The following BICC1 variants were observed in gnomAD, a reference collection of about 807,000 sequenced individuals.
BICC1 encodes the protein BicC family RNA binding protein 1.
In BICC1, 43 loss-of-function variants were observed where a neutral mutation model predicts 111.0. The observed-to-expected ratio is 0.39, with a 90% CI of 0.30 to 0.50. BICC1 has a LOEUF of 0.50. Ranked by LOEUF, BICC1 falls within the 20% of genes least tolerant of loss-of-function variation. BICC1 has a pLI of 0.88. For synonymous variants in BICC1, 467 were observed against 434.4 expected, an observed-to-expected ratio of 1.07 and a Z score of -0.93; for missense variants, 1,091 against 1,203.2, an observed-to-expected ratio of 0.91 and a Z score of 1.38.
At chr10:58,718,779 C>T (rs28722728) in intron 3 of BICC1, among the ~76,000 whole-genome samples, 2,200 of 130,050 alleles carry the variant, frequency 0.017, 59 homozygotes, top group African/African-American at 0.065. Flanking sequence ...CGCGCGCGTG[C>T]GCGCGTGCGC....
chr10:58,692,606 G>A (rs566631117), intron 2 of BICC1, among the ~76,000 whole-genome samples: 16 of 152,242 alleles, frequency 1.1e-4, no homozygotes, highest in Non-Finnish European at 1.9e-4. Flanking sequence ...AAATTAACAC[G>A]TATTATTTCT....
intron 1 of BICC1, among the ~76,000 whole-genome samples, chr10:58,599,791 AGTTTTT>A (rs1052768487): frequency 3.3e-5 from 5 of 152,078 alleles, no homozygotes; most frequent in African/African-American, 9.7e-5. Flanking sequence ...TTCTGAGACC[AGTTTTT>A]GTCCTTTTTA....
rs1486536171 is a variant in BICC1, at chr10:58,831,285, G to C, written c.*2394G>C. ...TATCTGTAAATATAGAACAGATACA[G>C]ATTGTATTTTTCTGTGGGTTTTTGT... On this transcript the variant is annotated 3_prime_UTR_variant, in exon 21 of 21. Coordinates refer to ENST00000373886, the MANE Select transcript of BICC1 (RefSeq NM_001080512.3). 6.6e-6 allele frequency: 1 copy of C among 152,124 alleles called. No homozygotes were observed. The highest frequency in any genetic ancestry group is 1.5e-5 in the Non-Finnish European group (1 of 68,010). 9.4% of individuals were successfully genotyped at this position (152,124 alleles called of 1,614,324 possible).
At chr10:58,786,557 G>T (rs956846892) in intron 4 of BICC1, among the ~76,000 whole-genome samples, 71 of 152,214 alleles carry the variant, frequency 4.7e-4, no homozygotes, top group African/African-American at 1.6e-3. Context: ...TCTTGTAATT[G>T]TGTTTTCATC....
intron 1 of BICC1, among the ~76,000 whole-genome samples, chr10:58,579,120 C>T (rs1425094594): frequency 1.3e-5 from 2 of 152,076 alleles, no homozygotes; most frequent in Non-Finnish European, 2.9e-5. Flanking sequence ...GTGGTCAGCC[C>T]CACTGAAGCC....
At chr10:58,707,492 A>G (rs139284302) in intron 3 of BICC1, among the ~76,000 whole-genome samples, 1 of 152,096 alleles carries the variant, frequency 6.6e-6, no homozygotes, top group African/African-American at 2.4e-5. Context: ...ACTAGGTTAA[A>G]AAAAAATAGA....
rs376626098 is a variant in BICC1 at position 58,788,381 on chromosome 10, G to A, written c.558G>A (p.Ala186=). 8.1e-6 allele frequency: 13 copies of A among 1,609,752 alleles called. No individual in the cohort carries two copies. The highest frequency in any genetic ancestry group is 1.1e-5 in the Non-Finnish European group (13 of 1,176,496). ...QAEKSNQVSI[A]GQPAGVESAR... is the part of the protein sequence containing the mutation. ...TCCTCCTCTTATAGGTATCTATAGC[G>A]GGACAACCAGCAGGAGTAGAATCTG... The change falls in exon 6 of 21, where the codon GCG becomes GCA. Residue 186 remains alanine, a synonymous_variant. Coordinates refer to ENST00000373886, the MANE Select transcript of BICC1 (RefSeq NM_001080512.3).
chr10:58,615,433 A>G (rs1039086182), intron 1 of BICC1, among the ~76,000 whole-genome samples: 2 of 152,114 alleles, frequency 1.3e-5, no homozygotes, highest in Admixed American at 6.5e-5. Flanking sequence ...TTATGTAACC[A>G]CGCCACATGA....
rs530278709 is a variant in BICC1, at chr10:58,574,348, C to G, written c.191-46507C>G. The stretch of plus-strand genomic sequence containing the variant: ...AAACACATTTGATGTTAAGACTGTC[C>G]TGGAAAACCCAGGACACGTGGCTAC... On this transcript the variant is annotated intron_variant, in intron 1 of 20. Transcript: ENST00000373886. 2.0e-5 allele frequency among the ~76,000 whole-genome samples: 3 copies of G among 152,220 alleles called. No individual in the cohort carries two copies. The South Asian group carries it at 6.2e-4, about 32-fold the overall frequency.
rs145075060 is a variant in BICC1 at position 58,687,478 on chromosome 10, C to T, written c.238-14596C>T. On this transcript the variant is annotated intron_variant, in intron 2 of 20. Coordinates refer to ENST00000373886, the MANE Select transcript of BICC1 (RefSeq NM_001080512.3). ...GCCCTGCCCCCAGAGGTGGAGTCTA[C>T]AGAGGGAGGCAGGCCTCCTTGAGCT... 3.3e-4 allele frequency among the ~76,000 whole-genome samples: 51 copies of T among 152,326 alleles called. No individual in the cohort carries two copies. In the East Asian group the frequency reaches 7.2e-3, roughly 21 times the overall value.
At chr10:58,560,985 C>T (rs970967828) in intron 1 of BICC1, among the ~76,000 whole-genome samples, 2 of 151,978 alleles carry the variant, frequency 1.3e-5, no homozygotes, top group Admixed American at 6.6e-5. Flanking sequence ...TCCATGTGCT[C>T]ATAAGAATGT....
At chr10:58,757,759 CTG>C (rs1842186359) in intron 3 of BICC1, among the ~76,000 whole-genome samples, 1 of 152,188 alleles carries the variant, frequency 6.6e-6, no homozygotes, top group Non-Finnish European at 1.5e-5. Context: ...CTTGGGTAAA[CTG>C]TGTTAGAACC....
intron 2 of BICC1, among the ~76,000 whole-genome samples, chr10:58,687,992 G>C (rs1236029790): frequency 6.6e-6 from 1 of 152,076 alleles, no homozygotes; most frequent in African/African-American, 2.4e-5. Flanking sequence ...AACCTCCCCC[G>C]AGTGTTACAG....
chr10:58,599,932 G>GTT (rs1844972065), intron 1 of BICC1, among the ~76,000 whole-genome samples: 2 of 150,866 alleles, frequency 1.3e-5, no homozygotes, highest in Non-Finnish European at 3.0e-5. Flanking sequence ...TAAAGAGGGT[G>GTT]TGTGTGTGTG....
chr10:58,633,476 A>G (rs992330630), intron 2 of BICC1, among the ~76,000 whole-genome samples: 14 of 152,226 alleles, frequency 9.2e-5, no homozygotes, highest in South Asian at 4.1e-4. Flanking sequence ...TACCTTCCTA[A>G]ATGATAAATG....
intron 3 of BICC1, among the ~76,000 whole-genome samples, chr10:58,707,633 G>A (rs11006231): frequency 0.96 from 145,567 of 152,110 alleles, 70,029 homozygotes; most frequent in Middle Eastern, 1. Flanking sequence ...GGGTTCAAGC[G>A]ATTCTCCTGC....
chr10:58,744,068 A>G (rs1841754572), intron 3 of BICC1, among the ~76,000 whole-genome samples: 1 of 152,148 alleles, frequency 6.6e-6, no homozygotes, highest in Non-Finnish European at 1.5e-5. Flanking sequence ...TCAAGGACAA[A>G]TGGACAAATA....
At chr10:58,825,991 TAA>T (rs532550154) in intron 20 of BICC1, among the ~76,000 whole-genome samples, 2 of 145,174 alleles carry the variant, frequency 1.4e-5, no homozygotes, top group African/African-American at 5.0e-5. Context: ...AACTATTGTT[TAA>T]AAAAAAAAAA....
intron 1 of BICC1, among the ~76,000 whole-genome samples, chr10:58,617,201 C>T (rs908211427): frequency 9.2e-5 from 14 of 152,214 alleles, no homozygotes; most frequent in Non-Finnish European, 1.8e-4. Flanking sequence ...CGTGAGAGTA[C>T]GGCAGGATGG....
Sources: allele counts gnomAD v4.1 joint callset (sites outside exome capture counted in the v4.1 genomes callset), GRCh38; gene constraint gnomAD v4.1.1; transcripts MANE v1.5; gene names NCBI Gene and HGNC (gene_info 2026-07-23, HGNC 2026-07-21).